The following RABGAP1L variants were observed in gnomAD, a reference collection of about 807,000 sequenced individuals.
The protein encoded by RABGAP1L is RAB GTPase activating protein 1 like.
RABGAP1L carries 63 observed loss-of-function variants against 137.7 expected under a neutral mutation model. The observed-to-expected ratio is 0.46, with a 90% CI of 0.37 to 0.56. RABGAP1L has a LOEUF of 0.56. Ranked by LOEUF, RABGAP1L falls within the 20% of genes least tolerant of loss-of-function variation. The pLI, the probability that RABGAP1L is intolerant of heterozygous loss-of-function variation, is 0.00. For synonymous variants in RABGAP1L, 431 were observed against 433.7 expected (o/e 0.99, Z 0.08); for missense variants, 1,095 against 1,244.0 (o/e 0.88, Z 1.80).
rs141147585 is a variant in RABGAP1L, at chr1:174,519,449, G to A, written c.1711-117926G>A. ...CTCACCGTTTTATGTTTTTCTGCCTGCTTTATATTCGCTGGCAGCTGCTTA... is the reference window on the plus strand; with the variant it reads ...CTCACCGTTTTATGTTTTTCTGCCTACTTTATATTCGCTGGCAGCTGCTTA... On this transcript the variant is annotated intron_variant, in intron 13 of 25. Coordinates refer to ENST00000681986, the MANE Select transcript of RABGAP1L (RefSeq NM_001366446.1). Among the ~76,000 whole-genome samples, 104 of 152,154 alleles carry A rather than the reference G, an allele frequency of 6.8e-4. 1 individual carries two copies. The highest frequency in any genetic ancestry group is 3.4e-3 in the Middle Eastern group (1 of 294).
At chr1:174,708,912 A>G (rs1217779853) in intron 17 of RABGAP1L, among the ~76,000 whole-genome samples, 1 of 152,192 alleles carries the variant, frequency 6.6e-6, no homozygotes, top group Non-Finnish European at 1.5e-5. Flanking sequence ...CAACAAGCTA[A>G]GATTCACTGG....
At chr1:174,765,076 T>G (rs1685561895) in intron 18 of RABGAP1L, among the ~76,000 whole-genome samples, 1 of 152,214 alleles carries the variant, frequency 6.6e-6, no homozygotes, top group Admixed American at 6.5e-5. Context: ...TGTTTGACCA[T>G]GGCTGCAACC....
chr1:174,470,399 A>C (rs1657782005), intron 13 of RABGAP1L, among the ~76,000 whole-genome samples: 1 of 152,196 alleles, frequency 6.6e-6, no homozygotes. Context: ...AAATTTCCAG[A>C]AGTAATGATG....
intron 1 of RABGAP1L, among the ~76,000 whole-genome samples, chr1:174,206,669 G>A (rs975421226): frequency 1.3e-5 from 2 of 152,144 alleles, no homozygotes; most frequent in Non-Finnish European, 2.9e-5. Flanking sequence ...AAGCAAGAAG[G>A]AGGCTAACCA....
At chr1:174,787,803 G>A (rs532924080) in intron 18 of RABGAP1L, among the ~76,000 whole-genome samples, 1 of 152,318 alleles carries the variant, frequency 6.6e-6, no homozygotes, top group Non-Finnish European at 1.5e-5. Context: ...ATAGTCTGGG[G>A]GAGAAATAAT....
At chr1:174,275,968 C>A in intron 9 of RABGAP1L, 33 bp downstream of exon 9, 1 of 1,541,942 alleles carries the variant, frequency 6.5e-7, no homozygotes, top group Non-Finnish European at 8.9e-7. Flanking sequence ...TTATTGTTTG[C>A]TTTACATTTT....
intron 14 of RABGAP1L, among the ~76,000 whole-genome samples, chr1:174,662,803 G>A (rs1046507858): frequency 3.9e-5 from 6 of 152,164 alleles, no homozygotes; most frequent in East Asian, 1.9e-4. Flanking sequence ...TGATGATTCC[G>A]ACCCTGTATA....
intron 13 of RABGAP1L, among the ~76,000 whole-genome samples, chr1:174,623,497 C>T (rs954313694): frequency 2.6e-5 from 4 of 152,150 alleles, no homozygotes. Flanking sequence ...GAGATTAAAG[C>T]CAGCCAAGGG....
chr1:174,347,469 CTTTG>C (rs1558151199), intron 11 of RABGAP1L, among the ~76,000 whole-genome samples: 2 of 118,826 alleles, frequency 1.7e-5, no homozygotes, highest in South Asian at 2.8e-4. Flanking sequence ...AGTGACCCCT[CTTTG>C]TGTGTGTGTG....
chr1:174,327,980 C>T (rs1304108), intron 11 of RABGAP1L, among the ~76,000 whole-genome samples: 41,330 of 104,588 alleles, frequency 0.4, 8,951 homozygotes, highest in East Asian at 0.62. Context: ...TATATATATA[C>T]ACACACATAT....
At chr1:174,181,738 G>A (rs1016554182) in intron 1 of RABGAP1L, among the ~76,000 whole-genome samples, 1 of 152,170 alleles carries the variant, frequency 6.6e-6, no homozygotes, top group African/African-American at 2.4e-5. Flanking sequence ...CCATTAGTAG[G>A]GCTGTGAAGA....
chr1:174,454,865 T>C (rs1428088013), intron 13 of RABGAP1L, among the ~76,000 whole-genome samples: 1 of 152,180 alleles, frequency 6.6e-6, no homozygotes. Context: ...GTAGGATTTT[T>C]AAATGCATCA....
chr1:174,195,667 C>CCTTTCCTTTCCTTTCCTT (rs1558021296), intron 1 of RABGAP1L, among the ~76,000 whole-genome samples: 1 of 94,228 alleles, frequency 1.1e-5, no homozygotes, highest in Admixed American at 1.2e-4. Context: ...CCTTTCCTTT[C>CCTTTCCTTTCCTTTCCTT]CTTTCCTTCT....
intron 13 of RABGAP1L, among the ~76,000 whole-genome samples, chr1:174,483,700 G>A (rs1659350127): frequency 6.6e-6 from 1 of 151,878 alleles, no homozygotes; most frequent in Non-Finnish European, 1.5e-5. Flanking sequence ...TGTGGCAGGT[G>A]CCTGTAATCC....
chr1:174,250,158 C>G (rs1451801936), intron 5 of RABGAP1L, among the ~76,000 whole-genome samples: 1 of 152,136 alleles, frequency 6.6e-6, no homozygotes, highest in Admixed American at 6.5e-5. Context: ...TAATTTACTT[C>G]TTAAGCGATA....
chr1:174,601,635 T>C (rs891434297), intron 13 of RABGAP1L, among the ~76,000 whole-genome samples: 2 of 152,138 alleles, frequency 1.3e-5, no homozygotes, highest in African/African-American at 4.8e-5. Flanking sequence ...CCCTAGAACT[T>C]AAAGTATAAT....
chr1:174,390,448 A>T (rs562852746), intron 12 of RABGAP1L, among the ~76,000 whole-genome samples: 1 of 152,318 alleles, frequency 6.6e-6, no homozygotes, highest in East Asian at 1.9e-4. Flanking sequence ...GTAGGAAGAG[A>T]TATTCAAACT....
intron 14 of RABGAP1L, among the ~76,000 whole-genome samples, chr1:174,682,918 C>G (rs1007560492): frequency 5.9e-5 from 9 of 152,056 alleles, no homozygotes; most frequent in Admixed American, 5.2e-4. Flanking sequence ...AGCCATTTTG[C>G]AAAAAGCATG....
At chr1:174,366,852 A>G (rs1385007352) in intron 11 of RABGAP1L, among the ~76,000 whole-genome samples, 5 of 151,708 alleles carry the variant, frequency 3.3e-5, no homozygotes, top group Admixed American at 1.3e-4. Flanking sequence ...TCTTCTGCTC[A>G]AGGAACTAAA....
Sources: gnomAD v4.1 joint callset for allele counts (sites outside exome capture counted in the v4.1 genomes callset) on GRCh38, gnomAD v4.1.1 for gene constraint, MANE v1.5 for transcripts, NCBI Gene and HGNC (gene_info 2026-07-23, HGNC 2026-07-21) for gene names.